Variants in XKR4 observed in about 807,000 individuals in gnomAD.
XKR4 encodes the protein XK related 4, also known as XK-related protein 4.
Under a neutral mutation model 53.9 loss-of-function variants are expected in XKR4, and 12 were observed. That is an observed-to-expected ratio of 0.22 (90% CI 0.14 to 0.36). The LOEUF is 0.36. Ranked by LOEUF, XKR4 falls within the 10% of genes least tolerant of loss-of-function variation. XKR4 has a pLI of 1.00. For missense variants in XKR4, 799 were observed against 859.5 expected (o/e 0.93, Z 0.88); for synonymous variants, 354 against 362.4 (o/e 0.98, Z 0.26).
chr8:55,371,755 G>A (rs1804072746), intron 2 of XKR4, among the ~76,000 whole-genome samples: 1 of 152,070 alleles, frequency 6.6e-6, no homozygotes, highest in African/African-American at 2.4e-5. Flanking sequence ...CTTGAGTCAT[G>A]GTACCACCCC....
chr8:55,111,529 TAGAG>T (rs1353146592), intron 1 of XKR4, among the ~76,000 whole-genome samples: 7 of 152,214 alleles, frequency 4.6e-5, no homozygotes, highest in Admixed American at 2.0e-4. Context: ...GGTTCATACA[TAGAG>T]AGTCTTAAGC....
At chr8:55,364,228 A>G (rs1026864110) in intron 2 of XKR4, among the ~76,000 whole-genome samples, 2 of 152,142 alleles carry the variant, frequency 1.3e-5, no homozygotes, top group African/African-American at 2.4e-5. Context: ...CCTTAATGGT[A>G]CTGGAAGGAG....
At chr8:55,438,448 G>C (rs182035029) in intron 2 of XKR4, among the ~76,000 whole-genome samples, 2 of 151,892 alleles carry the variant, frequency 1.3e-5, no homozygotes, top group Non-Finnish European at 2.9e-5. Context: ...AAATGAGCCG[G>C]GCGTGGTGGT....
In XKR4 at chr8:55,386,859, A is replaced by G. The variant is rs2979059; in HGVS notation, c.1006+28982A>G. On this transcript the variant is annotated intron_variant, in intron 2 of 2. Transcript: ENST00000327381. Reference sequence around the variant, plus strand: ...AAGAAACTTCATTATAACATTTATTATGTATCTTAGTCCCTCACTTCTAAA... The same window carrying G: ...AAGAAACTTCATTATAACATTTATTGTGTATCTTAGTCCCTCACTTCTAAA... Among the ~76,000 whole-genome samples, 14 of 152,322 alleles carry G rather than the reference A, an allele frequency of 9.2e-5. No homozygotes were observed. In the East Asian group the frequency reaches 2.5e-3, roughly 27 times the overall value.
At chr8:55,309,557 A>G (rs773162033) in intron 1 of XKR4, among the ~76,000 whole-genome samples, 2 of 152,248 alleles carry the variant, frequency 1.3e-5, no homozygotes, top group East Asian at 1.9e-4. Context: ...TTTAATACAC[A>G]CAAGCACACA....
At chr8:55,454,975 G>A (rs1454127792) in intron 2 of XKR4, 4 of 857,678 alleles carry the variant, frequency 4.7e-6, no homozygotes, top group African/African-American at 1.6e-5. Flanking sequence ...GATTCCTCTC[G>A]GGACACATCT....
intron 1 of XKR4, among the ~76,000 whole-genome samples, chr8:55,209,675 T>C (rs1563483682): frequency 1.3e-5 from 2 of 152,184 alleles, no homozygotes; most frequent in Non-Finnish European, 2.9e-5. Context: ...GTGAGGTTGA[T>C]GTGGCTGTGA....
At position 55,319,206 on chromosome 8, in the gene XKR4, T is replaced by A. The variant is rs563533652; in HGVS notation, c.807-38472T>A. ...CTCTTATATTACTTTTTTTTCCCTG[T>A]GATATTTTTCTTTAAAAAAATCAAA... is the stretch of plus-strand genomic sequence containing the variant. On this transcript the variant is annotated intron_variant, in intron 1 of 2. Transcript: ENST00000327381. Among the ~76,000 whole-genome samples, 176 of 152,306 alleles carry A rather than the reference T, an allele frequency of 1.2e-3. 1 individual carries two copies. The highest frequency in any genetic ancestry group is 3.6e-3 in the Admixed American group (55 of 15,288).
chr8:55,118,415 G>T (rs962969392), intron 1 of XKR4, among the ~76,000 whole-genome samples: 11 of 152,050 alleles, frequency 7.2e-5, no homozygotes, highest in Admixed American at 7.2e-4. Context: ...AGCATTCAAG[G>T]CAAAGCTCCT....
rs191484138 is a variant in XKR4, at chr8:55,329,634, C to A, written c.807-28044C>A. Reference sequence around the variant, plus strand: ...TAAATACCTAGTTCTTGTTTACTGGCGTGTACTTCCTAGGCTTTCTGTAGG... The same window carrying A: ...TAAATACCTAGTTCTTGTTTACTGGAGTGTACTTCCTAGGCTTTCTGTAGG... On this transcript the variant is annotated intron_variant, in intron 1 of 2. Coordinates refer to ENST00000327381, the MANE Select transcript of XKR4 (RefSeq NM_052898.2). Among the ~76,000 whole-genome samples the A allele has an allele frequency of 2.4e-4, 36 of 152,152 alleles. 1 individual carries two copies. Among genetic ancestry groups the A allele is most frequent in the Non-Finnish European group, 4.3e-4 (29 of 68,006 alleles).
rs1221597017 is a variant in XKR4, at chr8:55,289,646, A to AAAGAAAGGAAGG, written c.807-68029_807-68028insAAAGGAAGGAAG. Among the ~76,000 whole-genome samples the AAAGAAAGGAAGG allele has an allele frequency of 9.3e-3, 805 of 86,846 alleles. 17 individuals are homozygous for AAAGAAAGGAAGG. The highest frequency in any genetic ancestry group is 0.028 in the African/African-American group (495 of 17,680). The allele number at this position is 86,846 out of a possible 152,430, so 57.0% of individuals were successfully genotyped here. A position where few individuals can be genotyped will look rare whatever the true frequency, so the allele number is the denominator to read the frequency against. The stretch of plus-strand genomic sequence containing the variant: ...GAAAGAAAGAAAGAAAGAAAGAAAG[A>AAAGAAAGGAAGG]AAGGAAGGAAGGAAAAGAAAAGAAA... On this transcript the variant is annotated intron_variant, in intron 1 of 2. Coordinates refer to ENST00000327381, the MANE Select transcript of XKR4 (RefSeq NM_052898.2).
At chr8:55,269,080 G>T (rs1458952018) in intron 1 of XKR4, among the ~76,000 whole-genome samples, 1 of 152,044 alleles carries the variant, frequency 6.6e-6, no homozygotes, top group Admixed American at 6.6e-5. Flanking sequence ...TACTGTGCGT[G>T]GTGCACAGTA....
rs540024739 is a variant in XKR4, at chr8:55,455,131, C to G, written c.1007-68150C>G. ...CCACCAGCAGGAAGTAGTCTGTGAT[C>G]CGCGCCATGGGGAGGGACGCTGGGC... is the stretch of plus-strand genomic sequence containing the variant. On this transcript the variant is annotated intron_variant, in intron 2 of 2. Coordinates refer to ENST00000327381, the MANE Select transcript of XKR4 (RefSeq NM_052898.2). 1.8e-5 allele frequency: 11 copies of G among 622,564 alleles called. No homozygotes were observed. In the East Asian group the frequency reaches 3.0e-4, roughly 17 times the overall value. The allele number at this position is 622,564 out of a possible 1,614,324, so 38.6% of individuals were successfully genotyped here.
At chr8:55,514,701 T>C (rs1177662633) in intron 2 of XKR4, among the ~76,000 whole-genome samples, 1 of 151,392 alleles carries the variant, frequency 6.6e-6, no homozygotes, top group East Asian at 1.9e-4. Context: ...ATTCAGTGTC[T>C]TTTTTTTTAA....
intron 2 of XKR4, chr8:55,449,447 C>G: frequency 1.2e-6 from 1 of 804,636 alleles, no homozygotes; most frequent in Non-Finnish European, 2.1e-6. Flanking sequence ...CCAGGGCTGC[C>G]CTGCCCACCC....
chr8:55,456,126 C>A (rs1805565986), intron 2 of XKR4, among the ~76,000 whole-genome samples: 1 of 152,098 alleles, frequency 6.6e-6, no homozygotes, highest in South Asian at 2.1e-4. Flanking sequence ...AAAAAGGAAT[C>A]AATAGAGATT....
At chr8:55,497,691 T>C (rs1042141636) in intron 2 of XKR4, among the ~76,000 whole-genome samples, 1 of 152,324 alleles carries the variant, frequency 6.6e-6, no homozygotes, top group Non-Finnish European at 1.5e-5. Context: ...AAATGTGCAA[T>C]GTATATTTCT....
At chr8:55,268,508 T>A (rs1360700822) in intron 1 of XKR4, among the ~76,000 whole-genome samples, 3 of 152,158 alleles carry the variant, frequency 2.0e-5, no homozygotes, top group Non-Finnish European at 4.4e-5. Context: ...AAATGCCGCA[T>A]TACATAATTA....
At chr8:55,331,804 C>A (rs1803387842) in intron 1 of XKR4, among the ~76,000 whole-genome samples, 1 of 152,152 alleles carries the variant, frequency 6.6e-6, no homozygotes, top group Non-Finnish European at 1.5e-5. Context: ...GAAATATCTT[C>A]TATTCTTTCA....
Sources: allele counts gnomAD v4.1 joint callset (sites outside exome capture counted in the v4.1 genomes callset), GRCh38; gene constraint gnomAD v4.1.1; transcripts MANE v1.5; gene names NCBI Gene and HGNC (gene_info 2026-07-23, HGNC 2026-07-21).